Variants in IL1RAPL1 observed in about 807,000 individuals in gnomAD.
IL1RAPL1 encodes the protein interleukin-1 receptor accessory protein-like 1.
IL1RAPL1 carries 3 observed loss-of-function variants against 48.4 expected under a neutral mutation model. That is an observed-to-expected ratio of 0.06 (90% CI 0.03 to 0.16). IL1RAPL1 has a LOEUF of 0.16. Ranked by LOEUF, IL1RAPL1 falls within the 10% of genes least tolerant of loss-of-function variation. The probability of loss-of-function intolerance (pLI) is 1.00; values close to 1 mark genes in which losing one functional copy is unlikely to be tolerated. For missense variants in IL1RAPL1, 349 were observed against 530.6 expected (o/e 0.66, Z 3.36); for synonymous variants, 185 against 187.7 (o/e 0.99, Z 0.12).
chrX:29,300,597 G>C (rs1268383654), intron 3 of IL1RAPL1, among the ~76,000 whole-genome samples: 1 of 112,089 alleles, frequency 8.9e-6, no homozygotes, highest in Non-Finnish European at 1.9e-5. Context: ...CTGCAGATTA[G>C]TCAACCTTCT....
chrX:29,130,568 A>G (rs760969724), intron 2 of IL1RAPL1, among the ~76,000 whole-genome samples: 3 of 112,485 alleles, frequency 2.7e-5, no homozygotes, highest in Non-Finnish European at 5.6e-5. Flanking sequence ...TCATATGACT[A>G]TATTGAGCAT....
At position 29,884,210 on chromosome X, in the gene IL1RAPL1, C is replaced by T. The variant is rs764885713; in HGVS notation, c.779-33254C>T. 2.7e-5 allele frequency among the ~76,000 whole-genome samples: 3 copies of T among 111,921 alleles called. No homozygotes were observed. The South Asian group carries it at 1.1e-3, about 42-fold the overall frequency. The stretch of plus-strand genomic sequence containing the variant: ...TCGAGACAAACCCTATTTTTATTCC[C>T]TTTCACCTTATTTTCTCCATGGAAT... On this transcript the variant is annotated intron_variant, in intron 6 of 10. Coordinates refer to ENST00000378993, the MANE Select transcript of IL1RAPL1 (RefSeq NM_014271.4).
chrX:28,941,845 C>T (rs1471503973), intron 2 of IL1RAPL1, among the ~76,000 whole-genome samples: 1 of 109,088 alleles, frequency 9.2e-6, no homozygotes, highest in Non-Finnish European at 1.9e-5. Flanking sequence ...CTTTATTTTG[C>T]AGAGAGTAAC....
chrX:29,177,518 T>C (rs149876478), intron 2 of IL1RAPL1, among the ~76,000 whole-genome samples: 2,150 of 112,176 alleles, frequency 0.019, 46 homozygotes, highest in African/African-American at 0.066. Context: ...AGAATCACTG[T>C]GTATACATAT....
At chrX:29,322,144 G>A (rs1932807409) in intron 3 of IL1RAPL1, among the ~76,000 whole-genome samples, 1 of 110,232 alleles carries the variant, frequency 9.1e-6, no homozygotes, top group Non-Finnish European at 1.9e-5. Context: ...TCTTTCACAA[G>A]GATACATATA....
chrX:28,588,450 G>T (rs1340258078), intron 1 of IL1RAPL1, among the ~76,000 whole-genome samples: 1 of 111,708 alleles, frequency 9.0e-6, no homozygotes, highest in Admixed American at 9.5e-5. Context: ...AACACTTAGT[G>T]AAGAGCCCCA....
At chrX:29,663,805 A>G (rs1925916357) in intron 5 of IL1RAPL1, among the ~76,000 whole-genome samples, 1 of 111,910 alleles carries the variant, frequency 8.9e-6, no homozygotes, top group Admixed American at 9.5e-5. Flanking sequence ...ACAAATAGTA[A>G]TATTTTTCTT....
At chrX:29,606,438 C>T (rs1923895128) in intron 5 of IL1RAPL1, among the ~76,000 whole-genome samples, 1 of 112,048 alleles carries the variant, frequency 8.9e-6, no homozygotes, top group African/African-American at 3.2e-5. Flanking sequence ...TATCACCGTA[C>T]ACCAGCAATT....
At chrX:29,471,333 T>C (rs1262477188) in intron 5 of IL1RAPL1, among the ~76,000 whole-genome samples, 1 of 111,520 alleles carries the variant, frequency 9.0e-6, no homozygotes, top group African/African-American at 3.3e-5. Context: ...GAGGAAAAAG[T>C]CAATTAGGCA....
chrX:28,724,353 C>T (rs1346802059), intron 1 of IL1RAPL1, among the ~76,000 whole-genome samples: 95 of 111,351 alleles, frequency 8.5e-4, no homozygotes, highest in African/African-American at 3.0e-3. Context: ...ATGTAATGGC[C>T]TTCTTTGTCT....
intron 5 of IL1RAPL1, among the ~76,000 whole-genome samples, chrX:29,468,586 T>A (rs1420566450): frequency 8.9e-6 from 1 of 112,220 alleles, no homozygotes; most frequent in African/African-American, 3.2e-5. Context: ...CTCATCACGG[T>A]GACCTTTAAT....
chrX:28,854,762 T>A (rs1921760132), intron 2 of IL1RAPL1, among the ~76,000 whole-genome samples: 1 of 110,652 alleles, frequency 9.0e-6, no homozygotes, highest in Non-Finnish European at 1.9e-5. Context: ...AAGAGAGCTG[T>A]GTTGTGGAAA....
intron 3 of IL1RAPL1, among the ~76,000 whole-genome samples, chrX:29,380,951 T>C (rs1933689615): frequency 8.9e-6 from 1 of 112,234 alleles, no homozygotes; most frequent in East Asian, 2.8e-4. Context: ...CAGTTAAGTA[T>C]TGAGCCAGTG....
At chrX:29,291,326 A>G (rs1439359021) in intron 3 of IL1RAPL1, among the ~76,000 whole-genome samples, 1 of 112,128 alleles carries the variant, frequency 8.9e-6, no homozygotes, top group Non-Finnish European at 1.9e-5. Flanking sequence ...TCACTGGCCC[A>G]TGGCAATTCT....
intron 2 of IL1RAPL1, among the ~76,000 whole-genome samples, chrX:28,841,749 A>C (rs2147292262): frequency 9.0e-6 from 1 of 110,864 alleles, no homozygotes; most frequent in Non-Finnish European, 1.9e-5. Flanking sequence ...CAAAAGGCCA[A>C]GTCTGGAATC....
intron 5 of IL1RAPL1, among the ~76,000 whole-genome samples, chrX:29,413,083 A>C (rs1050507645): frequency 1.8e-5 from 2 of 111,281 alleles, no homozygotes; most frequent in African/African-American, 6.5e-5. Context: ...GGTCTTTGCC[A>C]TGCTGTTCTG....
At chrX:29,708,993 A>G (rs1232950835) in intron 6 of IL1RAPL1, among the ~76,000 whole-genome samples, 1 of 111,824 alleles carries the variant, frequency 8.9e-6, no homozygotes, top group African/African-American at 3.2e-5. Context: ...TATTTCATGT[A>G]TCTGTTGGCC....
chrX:28,703,860 TAATTTTTATTTTTCCAGG>T (rs1366929699), intron 1 of IL1RAPL1, among the ~76,000 whole-genome samples: 2 of 111,914 alleles, frequency 1.8e-5, no homozygotes, highest in Non-Finnish European at 3.8e-5. Flanking sequence ...AGTCTTTCTC[TAATTTTTATTTTTCCAGG>T]ACCTCCTATC....
intron 1 of IL1RAPL1, among the ~76,000 whole-genome samples, chrX:28,755,643 C>T (rs143192037): frequency 0.01 from 1,139 of 112,107 alleles, 16 homozygotes; most frequent in African/African-American, 0.034. Context: ...CATTTCATGT[C>T]GGAATCCATG....
Sources: gnomAD v4.1 joint callset for allele counts (sites outside exome capture counted in the v4.1 genomes callset) on GRCh38, gnomAD v4.1.1 for gene constraint, MANE v1.5 for transcripts, NCBI Gene and HGNC (gene_info 2026-07-23, HGNC 2026-07-21) for gene names.